The following DUSP16 variants were observed in gnomAD, a reference collection of about 807,000 sequenced individuals.
DUSP16 encodes dual specificity phosphatase 16.
A neutral mutation model predicts 58.3 loss-of-function variants in DUSP16; 21 were observed. The ratio of observed to expected loss-of-function variants is 0.36; its 90% CI spans 0.26 to 0.52. The LOEUF is 0.52. Among genes scored for constraint, DUSP16 ranks in the 20% least tolerant of loss-of-function variants. DUSP16 has a pLI of 0.94. For missense variants in DUSP16, 726 were observed against 819.0 expected (o/e 0.89, Z 1.39); for synonymous variants, 320 against 323.8 (o/e 0.99, Z 0.12).
In DUSP16 at chr12:12,479,535, C is replaced by T. The variant is rs543414322; in HGVS notation, c.815+688G>A. On this transcript the variant is annotated intron_variant, in intron 6 of 6. Coordinates refer to ENST00000298573, the MANE Select transcript of DUSP16 (RefSeq NM_030640.3). ...GACTTAACATGGGAAGCTGTTTGGG[C>T]AGCTCATTTCTGTTTTCCAAACTTT... Among the ~76,000 whole-genome samples the T allele has an allele frequency of 3.9e-5, 6 of 152,190 alleles. No homozygotes were observed. In the East Asian group the frequency reaches 7.7e-4, roughly 20 times the overall value.
At chr12:12,514,288 A>G (rs1025296738) in intron 3 of DUSP16, among the ~76,000 whole-genome samples, 5 of 152,202 alleles carry the variant, frequency 3.3e-5, no homozygotes, top group Admixed American at 6.5e-5. Flanking sequence ...TTTCCAGCTT[A>G]AAGGGATTTC....
At chr12:12,533,578 A>G (rs1448242489) in intron 1 of DUSP16, among the ~76,000 whole-genome samples, 1 of 152,156 alleles carries the variant, frequency 6.6e-6, no homozygotes, top group Admixed American at 6.5e-5. Flanking sequence ...CAAAAACTCT[A>G]AAATCACAGA....
intron 3 of DUSP16, among the ~76,000 whole-genome samples, chr12:12,502,255 C>T (rs1401046925): frequency 1.3e-5 from 2 of 152,176 alleles, no homozygotes; most frequent in African/African-American, 4.8e-5. Context: ...CATAATTCAG[C>T]CAGACGCCTG....
chr12:12,532,164 C>CAA (rs59100809), intron 1 of DUSP16, among the ~76,000 whole-genome samples: 1 of 140,178 alleles, frequency 7.1e-6, no homozygotes, highest in African/African-American at 2.6e-5. Flanking sequence ...GACTCCGTCT[C>CAA]AAAAAAAAAA....
Position 12,552,452 on chromosome 12 carries a change from A to T in DUSP16, c.-366+9665T>A, listed in dbSNP as rs1944743011. ...CAGAGCGAGACTATCTCAAAAAAAT[A>T]AATAAATAAATAAAAAGCATTTACC... On this transcript the variant is annotated intron_variant, in intron 1 of 6. Transcript: ENST00000298573. Among the ~76,000 whole-genome samples the T allele has an allele frequency of 4.6e-5, 7 of 151,700 alleles. 1 individual carries two copies. The South Asian group carries it at 1.5e-3, about 31-fold the overall frequency.
In DUSP16 at chr12:12,474,987, C is replaced by G. The variant is rs1361027639; in HGVS notation, c.*1846G>C. 2.0e-5 allele frequency: 3 copies of G among 152,200 alleles called. No individual in the cohort carries two copies. The highest frequency in any genetic ancestry group is 7.2e-5 in the African/African-American group (3 of 41,434). The allele number at this position is 152,200 out of a possible 1,614,324, so 9.4% of individuals were successfully genotyped here. A position where few individuals can be genotyped will look rare whatever the true frequency, so the allele number is the denominator to read the frequency against. The stretch of plus-strand genomic sequence containing the variant: ...CCCTCTTCTGCCTTCACTTTACACC[C>G]CATCATAGCACATTATTTGTGCACA... On this transcript the variant is annotated 3_prime_UTR_variant, in exon 7 of 7. Coordinates refer to ENST00000298573, the MANE Select transcript of DUSP16 (RefSeq NM_030640.3).
intron 4 of DUSP16, among the ~76,000 whole-genome samples, chr12:12,499,649 G>GTTA (rs985571051): frequency 6.6e-6 from 1 of 152,220 alleles, no homozygotes; most frequent in African/African-American, 2.4e-5. Context: ...AGGAGAACGT[G>GTTA]TTAAGGGGTT....
rs148434374 is a variant in DUSP16, at chr12:12,476,864, G to A, written c.1967C>T (p.Ser656Leu). 47 of 1,610,172 alleles carry A rather than the reference G, an allele frequency of 2.9e-5. No homozygotes were observed. The highest frequency in any genetic ancestry group is 4.0e-5 in the African/African-American group (3 of 74,958). Residue 656 changes from serine (S) to leucine (L), a missense_variant, in exon 7 of 7, where the codon TCG (serine) becomes TTG (leucine). Transcript: ENST00000298573. ...GACCTCAATGATTTCCATGCTGCCCGAAAAGCTAGACTGACTGCCCACTTT... is the reference window on the plus strand; with the variant it reads ...GACCTCAATGATTTCCATGCTGCCCAAAAAGCTAGACTGACTGCCCACTTT... ...LGKVGSQSSF[S>L]GSMEIIEVS
At chr12:12,529,405 C>T (rs986408547) in intron 1 of DUSP16, among the ~76,000 whole-genome samples, 13 of 152,098 alleles carry the variant, frequency 8.5e-5, no homozygotes, top group East Asian at 1.9e-4. Flanking sequence ...CCACTGTGCC[C>T]GGCCAAACTT....
intron 1 of DUSP16, among the ~76,000 whole-genome samples, chr12:12,529,283 T>A (rs1312112082): frequency 6.6e-6 from 1 of 152,056 alleles, no homozygotes; most frequent in East Asian, 1.9e-4. Context: ...GGCTAATTTT[T>A]ATTTCTTGTA....
At chr12:12,522,897 A>G (rs1592192914) in intron 1 of DUSP16, among the ~76,000 whole-genome samples, 1 of 152,142 alleles carries the variant, frequency 6.6e-6, no homozygotes, top group Non-Finnish European at 1.5e-5. Flanking sequence ...AAAGTTTATT[A>G]TATTTCTTAC....
At chr12:12,486,089 G>C (rs1943677873) in intron 5 of DUSP16, among the ~76,000 whole-genome samples, 3 of 151,988 alleles carry the variant, frequency 2.0e-5, no homozygotes, top group African/African-American at 7.3e-5. Flanking sequence ...CACCGCGCCT[G>C]GCCAATTCCA....
intron 5 of DUSP16, 46 bp downstream of exon 5, chr12:12,486,982 T>G: frequency 1.9e-6 from 3 of 1,604,856 alleles, no homozygotes; most frequent in Admixed American, 1.7e-5. Context: ...CACCTACACA[T>G]GAGACGATCA....
In DUSP16 at chr12:12,520,944, T is replaced by C. The variant is rs150551431; in HGVS notation, c.155A>G (p.Lys52Arg). ...ILEAININCS[K>R]LMKRRLQQDK... is the part of the protein sequence containing the mutation. Reference sequence around the variant, plus strand: ...CTGTTGCAACCTTCGCTTCATAAGCTTGGAGCAGTTGATATTAATGGCTTC... The same window carrying C: ...CTGTTGCAACCTTCGCTTCATAAGCCTGGAGCAGTTGATATTAATGGCTTC... Residue 52 changes from lysine to arginine, a missense_variant, in exon 2 of 7, where the codon AAG (lysine) becomes AGG (arginine). Transcript: ENST00000298573. 2.4e-5 allele frequency: 39 copies of C among 1,614,210 alleles called. No individual in the cohort carries two copies. The African/African-American group carries it at 4.7e-4, about 19-fold the overall frequency.
intron 3 of DUSP16, among the ~76,000 whole-genome samples, chr12:12,513,275 T>C (rs73063430): frequency 0.072 from 10,982 of 152,324 alleles, 473 homozygotes; most frequent in Middle Eastern, 0.095. Context: ...TGATGATCTC[T>C]TCTGGCTAAC....
intron 5 of DUSP16, among the ~76,000 whole-genome samples, chr12:12,482,396 CTG>C (rs1395684552): frequency 2.0e-5 from 3 of 152,186 alleles, no homozygotes; most frequent in East Asian, 1.9e-4. Flanking sequence ...GTGCTTACAA[CTG>C]TTTTTATAAC....
At position 12,476,022 on chromosome 12, in the gene DUSP16, C is replaced by G. The variant is rs959887675; in HGVS notation, c.*811G>C. On this transcript the variant is annotated 3_prime_UTR_variant, in exon 7 of 7. Coordinates refer to ENST00000298573, the MANE Select transcript of DUSP16 (RefSeq NM_030640.3). ...CTTAAATCGTGATGTTGCCAGGTTCCTGGTGGTTCAGCTGAATCCTAGACA... is the reference window on the plus strand; with the variant it reads ...CTTAAATCGTGATGTTGCCAGGTTCGTGGTGGTTCAGCTGAATCCTAGACA... The G allele has an allele frequency of 7.9e-5, 12 of 152,238 alleles. No homozygotes were observed. The highest frequency in any genetic ancestry group is 1.3e-4 in the Non-Finnish European group (9 of 68,030). The allele number at this position is 152,238 out of a possible 1,614,324, so 9.4% of individuals were successfully genotyped here. A position where few individuals can be genotyped will look rare whatever the true frequency, so the allele number is the denominator to read the frequency against.
At chr12:12,546,204 T>C (rs890346681) in intron 1 of DUSP16, among the ~76,000 whole-genome samples, 61 of 152,356 alleles carry the variant, frequency 4.0e-4, no homozygotes, top group Middle Eastern at 3.4e-3. Flanking sequence ...ATTATGTTAA[T>C]GAATTCTGGT....
intron 3 of DUSP16, among the ~76,000 whole-genome samples, chr12:12,515,800 GAGTCTC>G (rs1268042926): frequency 6.6e-6 from 1 of 151,662 alleles, no homozygotes. Context: ...TTTTGAGACA[GAGTCTC>G]ACTCTGTTGC....
Sources: allele counts gnomAD v4.1 joint callset (sites outside exome capture counted in the v4.1 genomes callset), GRCh38; gene constraint gnomAD v4.1.1; transcripts MANE v1.5; gene names NCBI Gene and HGNC (gene_info 2026-07-23, HGNC 2026-07-21).